NFASC: variants seen among roughly 807,000 people sequenced by gnomAD.
The protein encoded by NFASC is neurofascin.
NFASC carries 43 observed loss-of-function variants against 147.5 expected under a neutral mutation model. The observed-to-expected ratio is 0.29, with a 90% confidence interval of 0.23 to 0.38. The LOEUF (loss-of-function observed/expected upper bound fraction) is 0.38. Among genes scored for constraint, NFASC ranks in the 10% least tolerant of loss-of-function variants. The pLI is 1.00. For missense variants in NFASC, 1,320 were observed against 1,689.0 expected (o/e 0.78, Z 3.83); for synonymous variants, 622 against 665.5 (o/e 0.93, Z 1.01).
intron 2 of NFASC, among the ~76,000 whole-genome samples, chr1:204,931,086 A>G (rs904587469): frequency 6.6e-6 from 1 of 152,244 alleles, no homozygotes; most frequent in Non-Finnish European, 1.5e-5. Flanking sequence ...GAAGAAGAAA[A>G]AAAAAAGAAT....
At chr1:204,925,580 C>G (rs1296229454) in intron 2 of NFASC, among the ~76,000 whole-genome samples, 5 of 152,252 alleles carry the variant, frequency 3.3e-5, no homozygotes, top group African/African-American at 9.6e-5. Flanking sequence ...AAGTAAAAGG[C>G]TCTTCCTTTG....
intron 2 of NFASC, among the ~76,000 whole-genome samples, chr1:204,940,061 T>G (rs191583764): frequency 1.3e-5 from 2 of 152,324 alleles, no homozygotes; most frequent in East Asian, 3.9e-4. Context: ...TCAAATAATC[T>G]GTCCTCTTCA....
intron 2 of NFASC, among the ~76,000 whole-genome samples, chr1:204,935,388 TG>T (rs2092733938): frequency 1.3e-5 from 2 of 151,808 alleles, no homozygotes; most frequent in African/African-American, 4.8e-5. Flanking sequence ...GGCAGGGGAG[TG>T]GGAAAGCTTT....
In NFASC at chr1:204,882,858, A is replaced by G. The variant is rs532436580; in HGVS notation, c.-199-37774A>G. Among the ~76,000 whole-genome samples the G allele has an allele frequency of 8.5e-5, 13 of 152,100 alleles. No homozygotes were observed. The South Asian group carries it at 2.5e-3, about 29-fold the overall frequency. ...TGAAAGATGTTTTTCATAAAAGTGG[A>G]TTTTGGTTTCTTAGGATAGTGTCTC... On this transcript the variant is annotated intron_variant, in intron 1 of 29. Transcript: ENST00000339876.
chr1:204,858,822 A>T (rs11582315), intron 1 of NFASC, among the ~76,000 whole-genome samples: 15,932 of 151,436 alleles, frequency 0.11, 1,101 homozygotes, highest in Non-Finnish European at 0.16. Flanking sequence ...CGTAACCCTG[A>T]CTCTTCTTTC....
intron 2 of NFASC, among the ~76,000 whole-genome samples, chr1:204,935,253 G>A (rs572514133): frequency 1.3e-5 from 2 of 152,220 alleles, no homozygotes; most frequent in African/African-American, 4.8e-5. Flanking sequence ...AGTGATTGCC[G>A]TAAAGACAGT....
Position 205,009,673 on chromosome 1 carries a change from G to C in NFASC, c.3406G>C (p.Gly1136Arg). The change falls in exon 28 of 30, where the codon GGC (glycine) becomes CGC (arginine). Residue 1136 changes from glycine (G) to arginine (R), a missense_variant. This residue lies in a region of NFASC where 167 missense variants were observed against 233.8 expected (regional missense o/e 0.71). Coordinates refer to ENST00000339876, the MANE Select transcript of NFASC (RefSeq NM_001005388.3). ...CGTCTGTTTCATCAAGAGGAGTCGCGGCGGCAAGTACCCAGGTGAGATGTG... is the reference window on the plus strand; with the variant it reads ...CGTCTGTTTCATCAAGAGGAGTCGCCGCGGCAAGTACCCAGGTGAGATGTG... The part of the protein sequence containing the change: ...LIVCFIKRSR[G>R]GKYPVREKKD... 1 of 1,613,942 alleles carries C rather than the reference G, an allele frequency of 6.2e-7. No individual in the cohort carries two copies. The highest frequency in any genetic ancestry group is 1.1e-5 in the South Asian group (1 of 91,076).
rs1247547836 is a variant in NFASC at position 205,016,237 on chromosome 1, G to C, written c.3492-71G>C. 1 of 1,027,892 alleles carries C rather than the reference G, an allele frequency of 9.7e-7. No homozygotes were observed. The highest frequency in any genetic ancestry group is 1.5e-6 in the Non-Finnish European group (1 of 653,548). The allele number at this position is 1,027,892 out of a possible 1,614,324, so 63.7% of individuals were successfully genotyped here. ...GATCCCATCCTCTCTGAGCTGTGTAGGGCATGTGCTGGCAGGAGGCCAGCT... is the reference window on the plus strand; with the variant it reads ...GATCCCATCCTCTCTGAGCTGTGTACGGCATGTGCTGGCAGGAGGCCAGCT... On this transcript the variant is annotated intron_variant, in intron 29 of 29. Coordinates refer to ENST00000339876, the MANE Select transcript of NFASC (RefSeq NM_001005388.3). The surrounding 1 kb of genome is among the most constrained non-coding windows in gnomAD (Gnocchi z 5.1).
chr1:204,855,909 A>G (rs1251414476), intron 1 of NFASC, among the ~76,000 whole-genome samples: 1 of 152,222 alleles, frequency 6.6e-6, no homozygotes, highest in Non-Finnish European at 1.5e-5. Context: ...GAAGCACAAG[A>G]GAAATATTTA....
At chr1:204,966,527 G>A (rs1340068692) in intron 8 of NFASC, among the ~76,000 whole-genome samples, 1 of 152,164 alleles carries the variant, frequency 6.6e-6, no homozygotes, top group East Asian at 1.9e-4. Context: ...CCGTGATGGT[G>A]GGTGGGAGGA....
At chr1:204,881,959 GT>G (rs2080331248) in intron 1 of NFASC, among the ~76,000 whole-genome samples, 1 of 152,062 alleles carries the variant, frequency 6.6e-6, no homozygotes. Context: ...CAGGAATCCT[GT>G]TCGGTCTGTT....
chr1:204,950,472 G>T, intron 3 of NFASC, 85 bp from the exon 4 acceptor site: 1 of 1,264,010 alleles, frequency 7.9e-7, no homozygotes, highest in East Asian at 2.5e-5. Flanking sequence ...CCTGTGTGCT[G>T]GGGCGTGAGG....
At chr1:204,980,464 T>G (rs1266836924) in intron 20 of NFASC, 24 bp downstream of exon 20, 1 of 1,584,212 alleles carries the variant, frequency 6.3e-7, no homozygotes. Context: ...CCAGCCCCAG[T>G]GGAGCAGCTC....
chr1:204,877,878 T>C (rs1299719873), intron 1 of NFASC, among the ~76,000 whole-genome samples: 1 of 152,186 alleles, frequency 6.6e-6, no homozygotes, highest in Non-Finnish European at 1.5e-5. Context: ...CGGAGTGGAA[T>C]GCATTTCTGC....
At chr1:204,837,185 G>A (rs1040142730) in intron 1 of NFASC, among the ~76,000 whole-genome samples, 12 of 152,234 alleles carry the variant, frequency 7.9e-5, no homozygotes, top group African/African-American at 2.4e-4. Context: ...AACTAGAAGT[G>A]CTTTGGGATG....
Position 204,991,312 on chromosome 1 carries a change from G to T in NFASC, c.2782+6G>T, listed in dbSNP as rs763007267. ...TGAAGCTACTCCAACCGCAGGTACC[G>T]TACCAGCCGCGGAGGTAATGGGCAT... is the stretch of plus-strand genomic sequence containing the variant. On this transcript the variant is annotated splice_donor_region_variant and intron_variant, in intron 24 of 29. Transcript: ENST00000339876. 6.2e-7 allele frequency: 1 copy of T among 1,612,204 alleles called. No homozygotes were observed. The highest frequency in any genetic ancestry group is 1.3e-5 in the African/African-American group (1 of 75,032).
chr1:204,861,078 CTTTTT>C (rs1162020795), intron 1 of NFASC, among the ~76,000 whole-genome samples: 1 of 68,946 alleles, frequency 1.5e-5, no homozygotes, highest in Non-Finnish European at 2.5e-5. Flanking sequence ...ACTTGCTTTC[CTTTTT>C]TTTTTTTTTT....
chr1:204,891,894 T>TA (rs2082473872), intron 1 of NFASC, among the ~76,000 whole-genome samples: 2 of 152,150 alleles, frequency 1.3e-5, no homozygotes, highest in Non-Finnish European at 2.9e-5. Flanking sequence ...AGCCAAAACT[T>TA]ACGGCCAAAC....
intron 1 of NFASC, among the ~76,000 whole-genome samples, chr1:204,866,269 T>C (rs1478946899): frequency 6.6e-6 from 1 of 152,086 alleles, no homozygotes; most frequent in Non-Finnish European, 1.5e-5. Context: ...ATCTTGGGAT[T>C]TGGAGTGTGT....
Sources: allele counts gnomAD v4.1 joint callset (sites outside exome capture counted in the v4.1 genomes callset), GRCh38; gene constraint gnomAD v4.1.1; regional missense constraint gnomAD v4.1.1; non-coding constraint Gnocchi (gnomAD v3.1); transcripts MANE v1.5; gene names NCBI Gene and HGNC (gene_info 2026-07-23, HGNC 2026-07-21).